Variants in GRID1 observed in about 807,000 individuals in gnomAD.
GRID1 encodes the protein glutamate receptor ionotropic, delta-1.
GRID1 carries 28 observed loss-of-function variants against 98.0 expected under a neutral mutation model. The ratio of observed to expected loss-of-function variants is 0.29; its 90% CI spans 0.21 to 0.39. GRID1 has a LOEUF of 0.39. Among genes scored for constraint, GRID1 ranks in the 10% least tolerant of loss-of-function variants. GRID1 has a pLI of 1.00. For synonymous variants in GRID1, 553 were observed against 538.5 expected (o/e 1.03, Z -0.37); for missense variants, 1,111 against 1,340.5 (o/e 0.83, Z 2.67).
intron 4 of GRID1, among the ~76,000 whole-genome samples, chr10:86,097,578 T>C (rs1001371757): frequency 2.0e-5 from 3 of 152,158 alleles, no homozygotes; most frequent in Admixed American, 6.5e-5. Context: ...TCTATCTGTA[T>C]CCTATTGGTT....
At chr10:86,257,218 A>G (rs764478869) in intron 2 of GRID1, among the ~76,000 whole-genome samples, 10 of 152,234 alleles carry the variant, frequency 6.6e-5, no homozygotes, top group Non-Finnish European at 8.8e-5. Flanking sequence ...GCTGGGTGCT[A>G]GTGCAATTAG....
intron 4 of GRID1, among the ~76,000 whole-genome samples, chr10:86,108,138 A>G (rs1015095191): frequency 6.6e-6 from 1 of 152,140 alleles, no homozygotes; most frequent in Non-Finnish European, 1.5e-5. Flanking sequence ...ACTCCTAGAC[A>G]TCGCCATGGG....
intron 2 of GRID1, among the ~76,000 whole-genome samples, chr10:86,324,177 CA>C (rs111601272): frequency 6.4e-4 from 89 of 139,596 alleles, no homozygotes; most frequent in South Asian, 2.0e-3. Context: ...AGACTCATCT[CA>C]AAAAAAAAAA....
chr10:86,243,441 G>T (rs956483395), intron 2 of GRID1, among the ~76,000 whole-genome samples: 2 of 152,158 alleles, frequency 1.3e-5, no homozygotes, highest in Non-Finnish European at 2.9e-5. Flanking sequence ...CCACTCAGCT[G>T]TCTGGGTCCT....
Position 86,366,552 on chromosome 10 carries a change from C to T in GRID1, c.-160G>A. ...GCGCGCCCGCCCCTGCGCCCTGCGC[C>T]CGCCCCAGCCCAGCCCAGCCCAGCC... On this transcript the variant is annotated 5_prime_UTR_variant, in exon 1 of 16. Transcript: ENST00000327946. This position sits in a 1 kb window ranked among gnomAD's most constrained non-coding sequence, Gnocchi z 4.1. 3.4e-6 allele frequency: 1 copy of T among 292,604 alleles called. No individual in the cohort carries two copies. The highest frequency in any genetic ancestry group is 6.1e-6 in the Non-Finnish European group (1 of 165,166). The allele number at this position is 292,604 out of a possible 1,614,324, so 18.1% of individuals were successfully genotyped here.
At chr10:85,923,766 A>C (rs2131828656) in intron 4 of GRID1, among the ~76,000 whole-genome samples, 1 of 152,308 alleles carries the variant, frequency 6.6e-6, no homozygotes, top group African/African-American at 2.4e-5. Flanking sequence ...GACGAAACTC[A>C]ATCTCTGCAT....
At chr10:86,172,131 A>T (rs145814076) in intron 3 of GRID1, among the ~76,000 whole-genome samples, 28 of 152,208 alleles carry the variant, frequency 1.8e-4, no homozygotes, top group African/African-American at 5.8e-4. Context: ...AAGGAACCTC[A>T]TTACCATCAG....
At chr10:85,677,231 G>A (rs762972925) in intron 12 of GRID1, among the ~76,000 whole-genome samples, 18 of 152,214 alleles carry the variant, frequency 1.2e-4, no homozygotes, top group Non-Finnish European at 2.6e-4. Context: ...TGGGACTCAG[G>A]TAGGTAAGTT....
intron 8 of GRID1, among the ~76,000 whole-genome samples, chr10:85,808,983 A>G (rs1842645928): frequency 6.6e-6 from 1 of 152,142 alleles, no homozygotes; most frequent in Admixed American, 6.5e-5. Flanking sequence ...TGTCAAAGAA[A>G]ACAGAGGAAA....
At chr10:85,752,340 C>A (rs993464558) in intron 8 of GRID1, among the ~76,000 whole-genome samples, 1 of 152,120 alleles carries the variant, frequency 6.6e-6, no homozygotes, top group African/African-American at 2.4e-5. Context: ...TGGAGGTGAC[C>A]TCATGCCAAG....
At chr10:85,976,156 C>T (rs1384928446) in intron 4 of GRID1, among the ~76,000 whole-genome samples, 4 of 152,156 alleles carry the variant, frequency 2.6e-5, no homozygotes, top group African/African-American at 9.7e-5. Context: ...TAATAAGAAG[C>T]ATTTATTTTC....
chr10:85,669,211 C>A (rs560910727), intron 12 of GRID1, among the ~76,000 whole-genome samples: 1 of 152,336 alleles, frequency 6.6e-6, no homozygotes, highest in East Asian at 1.9e-4. Context: ...ACCAAGCCCA[C>A]TCCAAATGGG....
intron 2 of GRID1, among the ~76,000 whole-genome samples, chr10:86,235,235 T>C (rs1846518902): frequency 6.6e-6 from 1 of 152,170 alleles, no homozygotes; most frequent in Non-Finnish European, 1.5e-5. Flanking sequence ...GGCTCCCACA[T>C]TGCAGAGGGC....
At chr10:86,325,308 C>G (rs142306485) in intron 2 of GRID1, among the ~76,000 whole-genome samples, 1 of 152,184 alleles carries the variant, frequency 6.6e-6, no homozygotes, top group Non-Finnish European at 1.5e-5. Flanking sequence ...TACTGTCCCA[C>G]GCATTGTACA....
At chr10:85,622,754 A>G (rs1238437561) in intron 13 of GRID1, among the ~76,000 whole-genome samples, 3 of 152,210 alleles carry the variant, frequency 2.0e-5, no homozygotes, top group African/African-American at 7.2e-5. Context: ...ATCTAATGCC[A>G]GGGGATTGCA....
chr10:86,126,030 C>T (rs905655157), intron 4 of GRID1, among the ~76,000 whole-genome samples: 5 of 152,054 alleles, frequency 3.3e-5, no homozygotes, highest in Admixed American at 6.6e-5. Flanking sequence ...GGTTGGTTCC[C>T]CTAATCTCCA....
chr10:86,133,288 GGTT>G (rs1844866369), intron 4 of GRID1, among the ~76,000 whole-genome samples: 1 of 152,184 alleles, frequency 6.6e-6, no homozygotes, highest in African/African-American at 2.4e-5. Context: ...TGTGGCTGCT[GGTT>G]GTATCATTGC....
At chr10:86,041,066 CCT>C (rs1843338686) in intron 4 of GRID1, among the ~76,000 whole-genome samples, 1 of 152,184 alleles carries the variant, frequency 6.6e-6, no homozygotes, top group African/African-American at 2.4e-5. Context: ...TCCCACTCAG[CCT>C]CTCTCTCACA....
At chr10:86,311,988 T>G (rs1175897928) in intron 2 of GRID1, among the ~76,000 whole-genome samples, 2 of 152,374 alleles carry the variant, frequency 1.3e-5, no homozygotes, top group East Asian at 3.9e-4. Flanking sequence ...TAAACAGAAC[T>G]GGGGAGCCCA....
Sources: gnomAD v4.1 joint callset for allele counts (sites outside exome capture counted in the v4.1 genomes callset) on GRCh38, gnomAD v4.1.1 for gene constraint, Gnocchi (gnomAD v3.1) non-coding constraint, MANE v1.5 for transcripts, NCBI Gene and HGNC (gene_info 2026-07-23, HGNC 2026-07-21) for gene names.